FMNL2: variants seen among roughly 807,000 people sequenced by gnomAD.
The protein encoded by FMNL2 is formin like 2.
Under a neutral mutation model 130.2 loss-of-function variants are expected in FMNL2, and 51 were observed. The ratio of observed to expected loss-of-function variants is 0.39; its 90% CI spans 0.31 to 0.49. FMNL2 has a LOEUF of 0.49. Ranked by LOEUF, FMNL2 falls within the 20% of genes least tolerant of loss-of-function variation. The probability of loss-of-function intolerance (pLI) is 0.85; values close to 1 mark genes in which losing one functional copy is unlikely to be tolerated. For missense variants in FMNL2, 977 were observed against 1,316.2 expected, an observed-to-expected ratio of 0.74 and a Z score of 3.99; for synonymous variants, 465 against 467.1, an observed-to-expected ratio of 1.00 and a Z score of 0.06.
At chr2:152,385,612 A>T (rs1386119454) in intron 1 of FMNL2, among the ~76,000 whole-genome samples, 1 of 152,160 alleles carries the variant, frequency 6.6e-6, no homozygotes, top group East Asian at 1.9e-4. Flanking sequence ...CTTGGCTGAG[A>T]AAAGGTAAGA....
Position 152,647,983 on chromosome 2 carries a change from C to A in FMNL2, c.*78C>A. Reference sequence around the variant, plus strand: ...ATGAACTTTATGTGCTACGATTTAACTGCAGCCTTGAACACACACAAAAAT... The same window carrying A: ...ATGAACTTTATGTGCTACGATTTAAATGCAGCCTTGAACACACACAAAAAT... On this transcript the variant is annotated 3_prime_UTR_variant, in exon 26 of 26. Transcript: ENST00000288670. 8.2e-7 allele frequency: 1 copy of A among 1,212,426 alleles called. No individual in the cohort carries two copies. The highest frequency in any genetic ancestry group is 1.2e-6 in the Non-Finnish European group (1 of 857,598). The allele number at this position is 1,212,426 out of a possible 1,614,324, so 75.1% of individuals were successfully genotyped here.
chr2:152,539,685 T>G (rs1694195119), intron 2 of FMNL2, among the ~76,000 whole-genome samples: 2 of 152,152 alleles, frequency 1.3e-5, no homozygotes, highest in Non-Finnish European at 2.9e-5. Context: ...TAATTTCAAG[T>G]CCTAAGGAAA....
intron 1 of FMNL2, among the ~76,000 whole-genome samples, chr2:152,382,206 A>G (rs892365916): frequency 6.6e-6 from 1 of 152,192 alleles, no homozygotes; most frequent in African/African-American, 2.4e-5. Flanking sequence ...ACACACATTA[A>G]TGGTACCCAA....
In FMNL2 at chr2:152,466,987, G is replaced by A. The variant is rs528647539; in HGVS notation, c.118-54956G>A. ...CTGTGAAATATTCTTCCTTCTTCCT[G>A]CCTCCTCCAGTCTGGGAAGCTTCAC... On this transcript the variant is annotated intron_variant, in intron 1 of 25. Coordinates refer to ENST00000288670, the MANE Select transcript of FMNL2 (RefSeq NM_052905.4). Among the ~76,000 whole-genome samples, 6 of 152,224 alleles carry A rather than the reference G, an allele frequency of 3.9e-5. No homozygotes were observed. In the East Asian group the frequency reaches 1.2e-3, roughly 29 times the overall value.
intron 22 of FMNL2, among the ~76,000 whole-genome samples, 184 bp downstream of exon 22, chr2:152,636,774 C>G (rs1682648134): frequency 6.6e-6 from 1 of 152,106 alleles, no homozygotes. Context: ...AGGGCCCCGT[C>G]CTCATTGTCC....
intron 3 of FMNL2, among the ~76,000 whole-genome samples, chr2:152,546,819 T>C (rs1694667092): frequency 6.6e-6 from 1 of 152,120 alleles, no homozygotes; most frequent in East Asian, 1.9e-4. Flanking sequence ...CTTCTCTATA[T>C]ACACAGCAGA....
At chr2:152,558,376 A>G (rs551617280) in intron 4 of FMNL2, among the ~76,000 whole-genome samples, 1 of 152,306 alleles carries the variant, frequency 6.6e-6, no homozygotes, top group African/African-American at 2.4e-5. Flanking sequence ...CTCATTGTCC[A>G]TAGTCTTGCT....
chr2:152,481,774 T>C (rs1173671842), intron 1 of FMNL2, among the ~76,000 whole-genome samples: 1 of 152,214 alleles, frequency 6.6e-6, no homozygotes, highest in Non-Finnish European at 1.5e-5. Flanking sequence ...GAAATTGGTG[T>C]CATGTTTGCA....
chr2:152,359,969 T>A (rs1683065397), intron 1 of FMNL2, among the ~76,000 whole-genome samples: 1 of 152,218 alleles, frequency 6.6e-6, no homozygotes, highest in African/African-American at 2.4e-5. Flanking sequence ...TGTCCTCTTT[T>A]GTCGAAGATA....
intron 1 of FMNL2, among the ~76,000 whole-genome samples, chr2:152,360,192 T>C (rs1005256630): frequency 6.6e-6 from 1 of 152,236 alleles, no homozygotes; most frequent in Non-Finnish European, 1.5e-5. Context: ...CAGATGTATC[T>C]TACTTGTTGA....
chr2:152,615,753 G>T (rs892083581), intron 12 of FMNL2, among the ~76,000 whole-genome samples: 1 of 152,210 alleles, frequency 6.6e-6, no homozygotes, highest in Non-Finnish European at 1.5e-5. Context: ...GGTGAGTCTG[G>T]TGAGCACTTT....
chr2:152,437,948 G>C (rs1352875268), intron 1 of FMNL2, among the ~76,000 whole-genome samples: 1 of 152,170 alleles, frequency 6.6e-6, no homozygotes, highest in East Asian at 1.9e-4. Flanking sequence ...AAAAAACAGA[G>C]CCTTTATGAA....
chr2:152,542,470 C>T (rs932633666), intron 2 of FMNL2, among the ~76,000 whole-genome samples: 4 of 152,124 alleles, frequency 2.6e-5, no homozygotes, highest in African/African-American at 9.7e-5. Context: ...TGGAGTTGAG[C>T]AGATGTGGGT....
At chr2:152,509,737 C>CTTTTTTTTTTTTTTTTTTTTTTTT (rs138976882) in intron 1 of FMNL2, among the ~76,000 whole-genome samples, 1 of 58,676 alleles carries the variant, frequency 1.7e-5, no homozygotes, top group Non-Finnish European at 2.9e-5. Flanking sequence ...TACTCTGGAC[C>CTTTTTTTTTTTTTTTTTTTTTTTT]TTTTTTTTTT....
chr2:152,555,602 G>A (rs1377285647), intron 4 of FMNL2, among the ~76,000 whole-genome samples: 2 of 152,190 alleles, frequency 1.3e-5, no homozygotes, highest in African/African-American at 4.8e-5. Flanking sequence ...GTTGGCATTG[G>A]CACTTACATC....
chr2:152,445,906 C>T (rs1688308581), intron 1 of FMNL2, among the ~76,000 whole-genome samples: 1 of 152,276 alleles, frequency 6.6e-6, no homozygotes, highest in South Asian at 2.1e-4. Context: ...ATCCCTAAAC[C>T]ACACTGGCTT....
chr2:152,359,555 G>A (rs1284609185), intron 1 of FMNL2, among the ~76,000 whole-genome samples: 1 of 151,322 alleles, frequency 6.6e-6, no homozygotes, highest in Non-Finnish European at 1.5e-5. Flanking sequence ...GAAGTTAAGT[G>A]TGGAGTTGAT....
chr2:152,642,148 G>A (rs1683142890), intron 25 of FMNL2, among the ~76,000 whole-genome samples: 1 of 152,114 alleles, frequency 6.6e-6, no homozygotes, highest in Non-Finnish European at 1.5e-5. Flanking sequence ...CACCGTGTTA[G>A]CCAGGATGGT....
chr2:152,644,910 CCA>C (rs1474176475), intron 25 of FMNL2, among the ~76,000 whole-genome samples: 1 of 152,174 alleles, frequency 6.6e-6, no homozygotes, highest in African/African-American at 2.4e-5. Flanking sequence ...GAACTTCTCT[CCA>C]GTGTCTAGTT....
Sources: allele counts gnomAD v4.1 joint callset (sites outside exome capture counted in the v4.1 genomes callset), GRCh38; gene constraint gnomAD v4.1.1; transcripts MANE v1.5; gene names NCBI Gene and HGNC (gene_info 2026-07-23, HGNC 2026-07-21).